Variants in ABCG5 observed in about 807,000 individuals in gnomAD.
ABCG5 encodes ATP binding cassette subfamily G member 5.
Under a neutral mutation model 64.5 loss-of-function variants are expected in ABCG5, and 64 were observed. That is an observed-to-expected ratio of 0.99 (90% confidence interval 0.81 to 1.22). The LOEUF (loss-of-function observed/expected upper bound fraction) is 1.22. Among genes scored for constraint, ABCG5 ranks in the 50% most tolerant of loss-of-function variants. The pLI is 0.00. For missense variants in ABCG5, 908 were observed against 829.5 expected (o/e 1.09, Z -1.16); for synonymous variants, 385 against 326.3 (o/e 1.18, Z -1.94).
At chr2:43,833,167 T>C (rs1031060030) in intron 2 of ABCG5, among the ~76,000 whole-genome samples, 4 of 152,048 alleles carry the variant, frequency 2.6e-5, no homozygotes, top group Non-Finnish European at 4.4e-5. Flanking sequence ...CTCAGTCATA[T>C]TGGACACAAG....
chr2:43,836,946 T>C (rs1424222338), intron 2 of ABCG5, among the ~76,000 whole-genome samples: 1 of 151,284 alleles, frequency 6.6e-6, no homozygotes, highest in Admixed American at 6.6e-5. Context: ...GGAGGATCAC[T>C]TGAGCTCAGG....
chr2:43,831,837 G>T lies in ABCG5; in HGVS notation c.433C>A (p.Arg145Ser). ...AGCGCGGTGTAGTGCAGCGTCTCGC[G>T]CACGGTGAGGCTGCTCAGCAGGGTG... ...SDTLLSSLTV[R>S]ETLHYTALLA... Residue 145 changes from arginine (R) to serine (S), a missense_variant, in exon 4 of 13, where the codon CGC becomes AGC. Transcript: ENST00000405322. The T allele has an allele frequency of 1.3e-6, 2 of 1,585,638 alleles. No homozygotes were observed. The highest frequency in any genetic ancestry group is 8.6e-7 in the Non-Finnish European group (1 of 1,168,200).
chr2:43,832,046 C>T lies in ABCG5; in HGVS notation c.303G>A (p.Gly101=). ...GGAAGGTCCCCGCGCGCCCCAGCCT[C>T]CCGGACATGGCGTCCAGCAGCGTGG... ...GKTTLLDAMS[G]RLGRAGTFLG... Residue 101 remains glycine, a synonymous_variant, in exon 3 of 13, where the codon GGG becomes GGA. Transcript: ENST00000405322. The T allele has an allele frequency of 6.3e-7, 1 of 1,580,220 alleles. No individual in the cohort carries two copies. The highest frequency in any genetic ancestry group is 1.2e-5 in the South Asian group (1 of 85,986).
At chr2:43,813,708 C>CTTTTTTTT (rs1558715512) in intron 12 of ABCG5, among the ~76,000 whole-genome samples, 1 of 35,374 alleles carries the variant, frequency 2.8e-5, no homozygotes, top group African/African-American at 1.0e-4. Flanking sequence ...TTTTTTTTTT[C>CTTTTTTTT]GTTTTTTTTT....
chr2:43,815,902 C>G (rs1034366302), intron 11 of ABCG5, among the ~76,000 whole-genome samples: 3 of 91,800 alleles, frequency 3.3e-5, no homozygotes, highest in Non-Finnish European at 6.1e-5. Flanking sequence ...AGAGTAAGAA[C>G]AGGAAAAGAA....
chr2:43,823,895 C>G lies in ABCG5; in HGVS notation c.1324+18G>C. 1 of 1,612,648 alleles carries G rather than the reference C, an allele frequency of 6.2e-7. No individual in the cohort carries two copies. The highest frequency in any genetic ancestry group is 8.5e-7 in the Non-Finnish European group (1 of 1,178,922). On this transcript the variant is annotated intron_variant, in intron 9 of 12. Transcript: ENST00000405322. ...ATTTAGGGAGAAAGAGGTGCACCTC[C>G]AGCACGTGGGCACTTACACAGATTC...
Position 43,825,174 on chromosome 2 carries a change from G to C in ABCG5, c.775-156C>G, listed in dbSNP as rs569546465. 2.2e-4 allele frequency among the ~76,000 whole-genome samples: 34 copies of C among 152,102 alleles called. 1 individual carries two copies. The highest frequency in any genetic ancestry group is 2.2e-3 in the Admixed American group (34 of 15,282). ...ATTTCCCATAAGCAGTCAGTCCTTC[G>C]ATGACCTTGGCCCTGCATCAGTATT... On this transcript the variant is annotated intron_variant, in intron 6 of 12. Transcript: ENST00000405322.
chr2:43,824,368 C>A lies in ABCG5; in HGVS notation c.969G>T (p.Gln323His), dbSNP rs369775776. The change falls in exon 8 of 13, where the codon CAG (glutamine) becomes CAT (histidine). Residue 323 changes from glutamine (Q) to histidine (H), a missense_variant. By Grantham distance (24) the Gln-to-His change is conservative. Transcript: ENST00000405322. ...EREIETSKRV[Q>H]MIESAYKKSA... is the part of the protein sequence containing the mutation. ...ATTTCTTGTAGGCAGATTCTATCAT[C>A]TGGACTCTCTTGGAGGTTTCTATTT... is the stretch of plus-strand genomic sequence containing the variant. 1.2e-6 allele frequency: 2 copies of A among 1,614,056 alleles called. No individual in the cohort carries two copies. Among genetic ancestry groups the A allele is most frequent in the Non-Finnish European group, 1.7e-6 (2 of 1,180,038 alleles).
downstream of ABCG5, among the ~76,000 whole-genome samples, chr2:43,809,258 C>G (rs1438036728): frequency 6.6e-6 from 1 of 152,110 alleles, no homozygotes; most frequent in African/African-American, 2.4e-5. Context: ...TCCCAAAGTG[C>G]TGGGACTATA....
chr2:43,833,710 A>C (rs6729865), intron 2 of ABCG5, among the ~76,000 whole-genome samples: 51,797 of 150,022 alleles, frequency 0.35, 9,686 homozygotes, highest in East Asian at 0.84. Context: ...ATTGAGATGG[A>C]GTCTCACTCT....
At chr2:43,819,774 G>A (rs754885451) in intron 11 of ABCG5, 141 bp downstream of exon 11, 25 of 886,432 alleles carry the variant, frequency 2.8e-5, no homozygotes, top group African/African-American at 5.0e-5. Context: ...AATGATTAAC[G>A]AGCAGTATAA....
intron 11 of ABCG5, among the ~76,000 whole-genome samples, chr2:43,816,116 C>G (rs150844878): frequency 6.4e-4 from 98 of 152,180 alleles, no homozygotes; most frequent in Non-Finnish European, 1.0e-3. Flanking sequence ...GGTTTGATAT[C>G]AGAAAAGAAA....
intron 2 of ABCG5, among the ~76,000 whole-genome samples, chr2:43,835,488 G>A (rs1200962928): frequency 6.6e-6 from 1 of 152,148 alleles, no homozygotes; most frequent in Non-Finnish European, 1.5e-5. Context: ...TGGATGTTAC[G>A]GTACATGTGT....
Position 43,812,790 on chromosome 2 carries a change from A to T in ABCG5, c.*326T>A, listed in dbSNP as rs1214132580. ...TGTAAACATATTTTTAAGCTGACCT[A>T]TTTTTTTCTGTGCCTAGAACAAGGA... is the stretch of plus-strand genomic sequence containing the variant. On this transcript the variant is annotated 3_prime_UTR_variant, in exon 13 of 13. Coordinates refer to ENST00000405322, the MANE Select transcript of ABCG5 (RefSeq NM_022436.3). 7.1e-6 allele frequency: 2 copies of T among 281,740 alleles called. No homozygotes were observed. Among genetic ancestry groups the T allele is most frequent in the South Asian group, 5.3e-5 (1 of 18,798 alleles). 17.5% of individuals were successfully genotyped at this position (281,740 alleles called of 1,614,324 possible). A position where few individuals can be genotyped will look rare whatever the true frequency, so the allele number is the denominator to read the frequency against.
intron 11 of ABCG5, among the ~76,000 whole-genome samples, chr2:43,818,967 G>A (rs1296895156): frequency 6.6e-6 from 1 of 152,264 alleles, no homozygotes; most frequent in African/African-American, 2.4e-5. Context: ...CTCTCTCCAC[G>A]AAGTCACGTG....
At chr2:43,826,576 C>G (rs1667619310) in intron 5 of ABCG5, 55 bp from the exon 6 acceptor site, 1 of 1,612,988 alleles carries the variant, frequency 6.2e-7, no homozygotes, top group Non-Finnish European at 8.5e-7. Context: ...AGGCTCTGTG[C>G]TTAAAACTCA....
intron 11 of ABCG5, among the ~76,000 whole-genome samples, chr2:43,814,867 C>G (rs1666715805): frequency 6.6e-6 from 1 of 152,146 alleles, no homozygotes; most frequent in Non-Finnish European, 1.5e-5. Flanking sequence ...ATGCTCTTTC[C>G]TAACTTACTC....
At chr2:43,829,781 T>TA (rs1425851363) in intron 4 of ABCG5, among the ~76,000 whole-genome samples, 1 of 152,080 alleles carries the variant, frequency 6.6e-6, no homozygotes, top group Non-Finnish European at 1.5e-5. Flanking sequence ...ACCATTGCAT[T>TA]AAAAAACAAT....
upstream of ABCG5, chr2:43,839,155 C>T (rs112771276): frequency 2.9e-5 from 45 of 1,547,250 alleles, no homozygotes; most frequent in African/African-American, 2.7e-4. Context: ...GCCTGGTGGG[C>T]GGGTAGGAGA....
Sources: allele counts gnomAD v4.1 joint callset (sites outside exome capture counted in the v4.1 genomes callset), GRCh38; gene constraint gnomAD v4.1.1; transcripts MANE v1.5; gene names NCBI Gene and HGNC (gene_info 2026-07-23, HGNC 2026-07-21).